Variants in SGCZ observed in about 807,000 individuals in gnomAD.
SGCZ encodes zeta-sarcoglycan.
A neutral mutation model predicts 41.3 loss-of-function variants in SGCZ; 40 were observed. The observed-to-expected ratio is 0.97, with a 90% confidence interval of 0.75 to 1.26. The LOEUF (loss-of-function observed/expected upper bound fraction) is 1.26. SGCZ is among the 50% of genes most tolerant of loss of function. The probability of loss-of-function intolerance (pLI) is 0.00; values close to 1 mark genes in which losing one functional copy is unlikely to be tolerated. For synonymous variants in SGCZ, 206 were observed against 137.5 expected (o/e 1.50, Z -3.49); for missense variants, 552 against 369.8 (o/e 1.49, Z -4.04).
chr8:14,531,772 C>G (rs576032552), intron 2 of SGCZ, among the ~76,000 whole-genome samples: 1 of 151,940 alleles, frequency 6.6e-6, no homozygotes, highest in Non-Finnish European at 1.5e-5. Context: ...AACCATATCC[C>G]AAACTTCTAA....
intron 1 of SGCZ, among the ~76,000 whole-genome samples, chr8:14,899,680 G>T (rs1417993603): frequency 6.6e-6 from 1 of 152,104 alleles, no homozygotes; most frequent in Non-Finnish European, 1.5e-5. Flanking sequence ...ATACAATCAG[G>T]TTCTTTTGAC....
At chr8:14,331,108 T>TA (rs1279388867) in intron 2 of SGCZ, among the ~76,000 whole-genome samples, 1 of 151,816 alleles carries the variant, frequency 6.6e-6, no homozygotes, top group Non-Finnish European at 1.5e-5. Context: ...GAAAAAATCT[T>TA]AAAGACACAG....
At chr8:14,223,287 A>AT (rs1038497922) in intron 4 of SGCZ, among the ~76,000 whole-genome samples, 8 of 151,788 alleles carry the variant, frequency 5.3e-5, no homozygotes, top group African/African-American at 1.9e-4. Flanking sequence ...TTTTTCTCAT[A>AT]TTTTTTCATT....
intron 3 of SGCZ, among the ~76,000 whole-genome samples, chr8:14,255,843 A>G (rs1199470169): frequency 6.6e-6 from 1 of 152,090 alleles, no homozygotes; most frequent in Admixed American, 6.6e-5. Flanking sequence ...ATTTTGAGGT[A>G]TTTCCATCAA....
chr8:14,363,419 C>T (rs1234598544), intron 2 of SGCZ, among the ~76,000 whole-genome samples: 1 of 152,092 alleles, frequency 6.6e-6, no homozygotes, highest in East Asian at 1.9e-4. Flanking sequence ...AATTTTGAAT[C>T]AGTTGCAAGC....
At chr8:14,581,759 G>A (rs1038963301) in intron 1 of SGCZ, among the ~76,000 whole-genome samples, 2 of 152,144 alleles carry the variant, frequency 1.3e-5, no homozygotes, top group African/African-American at 4.8e-5. Context: ...TGAGGATAGT[G>A]ATAAGGGAAA....
At chr8:14,598,977 T>G (rs1317054574) in intron 1 of SGCZ, among the ~76,000 whole-genome samples, 1 of 152,204 alleles carries the variant, frequency 6.6e-6, no homozygotes, top group East Asian at 1.9e-4. Context: ...AATTAATTTT[T>G]GATCATTTCA....
At chr8:15,056,102 T>C (rs1332489667) in intron 1 of SGCZ, among the ~76,000 whole-genome samples, 2 of 152,184 alleles carry the variant, frequency 1.3e-5, no homozygotes, top group African/African-American at 4.8e-5. Context: ...TTAAAAGGCT[T>C]AGTTCTAACT....
chr8:14,669,827 G>C (rs942572625), intron 1 of SGCZ, among the ~76,000 whole-genome samples: 5 of 152,008 alleles, frequency 3.3e-5, no homozygotes, highest in Non-Finnish European at 5.9e-5. Flanking sequence ...ATCTCATCGA[G>C]ATCCTCACTT....
rs180686326 is a variant in SGCZ at position 14,232,544 on chromosome 8, G to C, written c.424+5048C>G. On this transcript the variant is annotated intron_variant, in intron 4 of 7. Transcript: ENST00000382080. ...GAAAAACAGAAAATGAGAAATTAAA[G>C]ATTATAATTAAGATTTTTATACAAT... 5.5e-4 allele frequency among the ~76,000 whole-genome samples: 83 copies of C among 152,058 alleles called. 1 individual carries two copies. In the East Asian group the frequency reaches 0.015, roughly 28 times the overall value.
intron 3 of SGCZ, among the ~76,000 whole-genome samples, chr8:14,301,050 A>C (rs904896454): frequency 1.5e-5 from 2 of 133,488 alleles, no homozygotes; most frequent in Non-Finnish European, 3.2e-5. Context: ...TTGACTTAGA[A>C]ACACAAGAAA....
intron 3 of SGCZ, among the ~76,000 whole-genome samples, chr8:14,268,344 A>C (rs1049816286): frequency 5.6e-5 from 8 of 143,234 alleles, no homozygotes; most frequent in Non-Finnish European, 7.8e-5. Context: ...TTTATATTTA[A>C]AAATATATAT....
chr8:14,115,842 T>G (rs904763946), intron 5 of SGCZ, among the ~76,000 whole-genome samples: 1 of 152,002 alleles, frequency 6.6e-6, no homozygotes, highest in East Asian at 1.9e-4. Context: ...CTATCTTTTT[T>G]CCTTATTTTA....
rs191476235 is a variant in SGCZ at position 14,297,037 on chromosome 8, T to C, written c.336+27066A>G. On this transcript the variant is annotated intron_variant, in intron 3 of 7. Coordinates refer to ENST00000382080, the MANE Select transcript of SGCZ (RefSeq NM_139167.4). ...CCCAGGTTCAAACGATTCTCCTGTC[T>C]CAGCATCCTGAGTAGTGAGGAGTAC... is the stretch of plus-strand genomic sequence containing the variant. Among the ~76,000 whole-genome samples, 11 of 152,216 alleles carry C rather than the reference T, an allele frequency of 7.2e-5. No homozygotes were observed. The East Asian group carries it at 2.1e-3, about 30-fold the overall frequency.
At chr8:15,095,535 C>T (rs978150968) in intron 1 of SGCZ, among the ~76,000 whole-genome samples, 4 of 152,008 alleles carry the variant, frequency 2.6e-5, no homozygotes, top group African/African-American at 7.2e-5. Context: ...TATTTGAATT[C>T]GTAGTTTTAC....
intron 2 of SGCZ, among the ~76,000 whole-genome samples, chr8:14,372,841 C>T (rs888908270): frequency 6.6e-6 from 1 of 151,878 alleles, no homozygotes; most frequent in Non-Finnish European, 1.5e-5. Context: ...GGTGATGAGA[C>T]GTGTTGTAGA....
At chr8:14,820,300 A>C (rs530192885) in intron 1 of SGCZ, among the ~76,000 whole-genome samples, 1 of 152,210 alleles carries the variant, frequency 6.6e-6, no homozygotes, top group South Asian at 2.1e-4. Context: ...GATCAATTCA[A>C]TAAGAGTATA....
chr8:14,996,208 T>C (rs1040203274), intron 1 of SGCZ, among the ~76,000 whole-genome samples: 5 of 152,120 alleles, frequency 3.3e-5, no homozygotes, highest in Non-Finnish European at 5.9e-5. Flanking sequence ...AGACCACTTA[T>C]TTGCTTTTAT....
At chr8:14,329,753 T>A (rs1419713236) in intron 2 of SGCZ, among the ~76,000 whole-genome samples, 1 of 152,198 alleles carries the variant, frequency 6.6e-6, no homozygotes, top group Non-Finnish European at 1.5e-5. Flanking sequence ...AACCCCCTCC[T>A]TTAGAATGAA....
Sources: allele counts gnomAD v4.1 joint callset (sites outside exome capture counted in the v4.1 genomes callset), GRCh38; gene constraint gnomAD v4.1.1; transcripts MANE v1.5; gene names NCBI Gene and HGNC (gene_info 2026-07-23, HGNC 2026-07-21).